Variants in PTGFR observed in about 807,000 individuals in gnomAD.
PTGFR encodes the protein prostaglandin F2-alpha receptor.
In PTGFR, 15 loss-of-function variants were observed where a neutral mutation model predicts 26.2. That is an observed-to-expected ratio of 0.57 (90% CI 0.38 to 0.88). The LOEUF (loss-of-function observed/expected upper bound fraction) is 0.88, where lower values mean the gene tolerates loss of function less well. Ranked by LOEUF, PTGFR falls within the 40% of genes least tolerant of loss-of-function variation. PTGFR has a pLI of 0.00. For synonymous variants in PTGFR, 165 were observed against 151.1 expected (o/e 1.09, Z -0.68); for missense variants, 369 against 427.2 (o/e 0.86, Z 1.20).
chr1:78,506,012 G>A (rs964448026), intron 2 of PTGFR, among the ~76,000 whole-genome samples: 8 of 152,128 alleles, frequency 5.3e-5, no homozygotes, highest in African/African-American at 1.7e-4. Context: ...TTGTGTACAA[G>A]TTTTTGAACA....
rs535161486 is a variant in PTGFR at position 78,506,179 on chromosome 1, GT to G, written c.798+12643del. 5.9e-5 allele frequency among the ~76,000 whole-genome samples: 9 copies of G among 152,012 alleles called. No individual in the cohort carries two copies. The East Asian group carries it at 1.7e-3, about 29-fold the overall frequency. On this transcript the variant is annotated intron_variant, in intron 2 of 2. Coordinates refer to ENST00000370757, the MANE Select transcript of PTGFR (RefSeq NM_000959.4). ...GTGCGAGTGTCCCAATTATTCCACA[GT>G]TTTTGCCAACACTTTTTATTTTCTC... is the stretch of plus-strand genomic sequence containing the variant.
intron 2 of PTGFR, among the ~76,000 whole-genome samples, chr1:78,496,623 T>C (rs1385727869): frequency 6.6e-6 from 1 of 152,194 alleles, no homozygotes; most frequent in Non-Finnish European, 1.5e-5. Context: ...TGTTTGTGCT[T>C]GACAGGAACT....
intron 2 of PTGFR, chr1:78,497,978 A>T: frequency 1.4e-6 from 2 of 1,471,394 alleles, no homozygotes; most frequent in Non-Finnish European, 9.5e-7. Flanking sequence ...TCTCTTGCAA[A>T]TGTAGAATTG....
intron 2 of PTGFR, among the ~76,000 whole-genome samples, chr1:78,528,840 T>C (rs190678590): frequency 1.1e-4 from 17 of 151,864 alleles, no homozygotes; most frequent in African/African-American, 4.1e-4. Flanking sequence ...CAAATTTCAA[T>C]AAATAAGTAG....
intron 2 of PTGFR, among the ~76,000 whole-genome samples, chr1:78,509,527 AAGT>A (rs1285616128): frequency 2.2e-4 from 34 of 152,376 alleles, no homozygotes; most frequent in African/African-American, 8.2e-4. Flanking sequence ...TTTCAACAAA[AAGT>A]AGCAACTGAT....
chr1:78,493,318 A>G lies in PTGFR; in HGVS notation c.575A>G (p.Asp192Gly), dbSNP rs147607519. ...ACCTGGTGTTTCTACAACACAGAAG[A>G]CATCAAAGACTGGGAAGATAGATTT... is the stretch of plus-strand genomic sequence containing the variant. ...SRTWCFYNTEDIKDWEDRFYL... is the reference protein window; with the variant it reads ...SRTWCFYNTEGIKDWEDRFYL... The change falls in exon 2 of 3, where the codon GAC becomes GGC. Residue 192 changes from aspartate (D) to glycine (G), a missense_variant. By Grantham distance (94) the Asp-to-Gly change is moderately conservative (BLOSUM62 -1). Transcript: ENST00000370757. The G allele has an allele frequency of 9.3e-6, 15 of 1,614,064 alleles. No individual in the cohort carries two copies. In the African/African-American group the frequency reaches 1.9e-4, roughly 20 times the overall value.
Position 78,540,631 on chromosome 1 carries a change from T to C in PTGFR, c.*3944T>C, listed in dbSNP as rs1467051250. 6.6e-6 allele frequency among the ~76,000 whole-genome samples: 1 copy of C among 152,190 alleles called. No individual in the cohort carries two copies. ...TTCAGGCAATTGAAACATTTCTGTA[T>C]AATACCAAGCATTGTTGCAGTATTG... On this transcript the variant is annotated 3_prime_UTR_variant, in exon 3 of 3. Coordinates refer to ENST00000370757, the MANE Select transcript of PTGFR (RefSeq NM_000959.4).
intron 2 of PTGFR, among the ~76,000 whole-genome samples, chr1:78,521,922 T>C (rs1431207295): frequency 6.6e-6 from 1 of 152,106 alleles, no homozygotes; most frequent in East Asian, 1.9e-4. Flanking sequence ...CTTGGCAGCA[T>C]GAAACAGCGC....
At chr1:78,497,539 T>C (rs946357931) in intron 2 of PTGFR, among the ~76,000 whole-genome samples, 3 of 152,190 alleles carry the variant, frequency 2.0e-5, no homozygotes, top group African/African-American at 7.2e-5. Flanking sequence ...GTTTCTACTT[T>C]TATATGGGTA....
At chr1:78,514,202 T>A (rs1650039729) in intron 2 of PTGFR, among the ~76,000 whole-genome samples, 1 of 152,208 alleles carries the variant, frequency 6.6e-6, no homozygotes, top group Non-Finnish European at 1.5e-5. Flanking sequence ...GCTTGCACCC[T>A]GTGGCTGAAA....
chr1:78,519,223 C>T (rs1276669043), intron 2 of PTGFR, among the ~76,000 whole-genome samples: 2 of 152,110 alleles, frequency 1.3e-5, no homozygotes, highest in Non-Finnish European at 2.9e-5. Flanking sequence ...TTGAACCTCT[C>T]CTCCTAATTA....
In PTGFR at chr1:78,493,928, A is replaced by T. The variant is rs148420247; in HGVS notation, c.798+387A>T. Among the ~76,000 whole-genome samples the T allele has an allele frequency of 1.2e-3, 177 of 152,372 alleles. No individual in the cohort carries two copies. The East Asian group carries it at 0.023, about 20-fold the overall frequency. ...AGTCACATGAACTTTTAACTTGTAAACAGGGCATATTAGCTACTGGGTTCT... is the reference window on the plus strand; with the variant it reads ...AGTCACATGAACTTTTAACTTGTAATCAGGGCATATTAGCTACTGGGTTCT... On this transcript the variant is annotated intron_variant, in intron 2 of 2. Coordinates refer to ENST00000370757, the MANE Select transcript of PTGFR (RefSeq NM_000959.4).
At chr1:78,513,761 C>A (rs748598229) in intron 2 of PTGFR, among the ~76,000 whole-genome samples, 1 of 152,068 alleles carries the variant, frequency 6.6e-6, no homozygotes, top group Non-Finnish European at 1.5e-5. Context: ...TGAGGCAGCC[C>A]CTCTCATCAC....
At chr1:78,519,675 C>CT (rs1194695877) in intron 2 of PTGFR, among the ~76,000 whole-genome samples, 2 of 152,104 alleles carry the variant, frequency 1.3e-5, no homozygotes, top group Non-Finnish European at 2.9e-5. Flanking sequence ...ACAGAACCAG[C>CT]TTTGTTACAA....
intron 2 of PTGFR, among the ~76,000 whole-genome samples, chr1:78,509,021 C>G (rs931769919): frequency 8.6e-5 from 13 of 152,046 alleles, no homozygotes; most frequent in African/African-American, 3.1e-4. Flanking sequence ...TTCGAACAGA[C>G]CAAATAGAGA....
intron 2 of PTGFR, among the ~76,000 whole-genome samples, chr1:78,499,364 T>G (rs1234704527): frequency 6.6e-6 from 1 of 152,258 alleles, no homozygotes; most frequent in Non-Finnish European, 1.5e-5. Context: ...GTCTATCTGG[T>G]TGTTGCTGGG....
At chr1:78,532,161 T>C in intron 2 of PTGFR, 1 of 386,460 alleles carries the variant, frequency 2.6e-6, no homozygotes. Context: ...AACAAATAAC[T>C]AGAGACTGGA....
chr1:78,523,153 A>T lies in PTGFR; in HGVS notation c.799-13253A>T, dbSNP rs564911383. Among the ~76,000 whole-genome samples the T allele has an allele frequency of 4.6e-5, 7 of 151,976 alleles. No homozygotes were observed. In the South Asian group the frequency reaches 1.4e-3, roughly 31 times the overall value. ...TTGGAGATTGCTTACATATTTTTTCATTTTATAAACTACACTGAGATGAAC... is the reference window on the plus strand; with the variant it reads ...TTGGAGATTGCTTACATATTTTTTCTTTTTATAAACTACACTGAGATGAAC... On this transcript the variant is annotated intron_variant, in intron 2 of 2. Coordinates refer to ENST00000370757, the MANE Select transcript of PTGFR (RefSeq NM_000959.4).
Position 78,539,573 on chromosome 1 carries a change from T to C in PTGFR, c.*2886T>C, listed in dbSNP as rs1010809355. On this transcript the variant is annotated 3_prime_UTR_variant, in exon 3 of 3. Coordinates refer to ENST00000370757, the MANE Select transcript of PTGFR (RefSeq NM_000959.4). ...TTTAATAGTAGATGAAACATGTTTT[T>C]CTTGGTTATGTGAATAAATGTATGT... 1 of 152,546 alleles carries C rather than the reference T, an allele frequency of 6.6e-6. No individual in the cohort carries two copies. Among genetic ancestry groups the C allele is most frequent in the African/African-American group, 2.4e-5 (1 of 41,434 alleles). 9.4% of individuals were successfully genotyped at this position (152,546 alleles called of 1,614,324 possible). A position where few individuals can be genotyped will look rare whatever the true frequency, so the allele number is the denominator to read the frequency against.
Sources: allele counts gnomAD v4.1 joint callset (sites outside exome capture counted in the v4.1 genomes callset), GRCh38; gene constraint gnomAD v4.1.1; transcripts MANE v1.5; gene names NCBI Gene and HGNC (gene_info 2026-07-23, HGNC 2026-07-21).